CYP2C19: variants seen among roughly 807,000 people sequenced by gnomAD.
The protein encoded by CYP2C19 is cytochrome P450 family 2 subfamily C member 19.
A neutral mutation model predicts 40.9 loss-of-function variants in CYP2C19; 59 were observed. That is an observed-to-expected ratio of 1.44 (90% CI 1.17 to 1.79). The LOEUF is 1.79. CYP2C19 is among the 40% of genes most tolerant of loss of function. CYP2C19 has a pLI of 0.00. For synonymous variants in CYP2C19, 253 were observed against 208.7 expected, an observed-to-expected ratio of 1.21 and a Z score of -1.83; for missense variants, 754 against 596.9, an observed-to-expected ratio of 1.26 and a Z score of -2.74.
intron 5 of CYP2C19, among the ~76,000 whole-genome samples, chr10:94,793,017 A>C (rs1236102896): frequency 3.3e-5 from 5 of 152,056 alleles, no homozygotes; most frequent in African/African-American, 9.7e-5. Context: ...TGGTCTTTTC[A>C]CATAGTCAAA....
intron 6 of CYP2C19, among the ~76,000 whole-genome samples, chr10:94,823,893 G>A (rs1849169131): frequency 2.6e-5 from 4 of 152,156 alleles, no homozygotes; most frequent in African/African-American, 9.6e-5. Flanking sequence ...AGAGTGTCAG[G>A]GAGGCTGCCT....
intron 5 of CYP2C19, among the ~76,000 whole-genome samples, chr10:94,792,456 C>G (rs1373537192): frequency 6.6e-6 from 1 of 152,150 alleles, no homozygotes; most frequent in African/African-American, 2.4e-5. Flanking sequence ...CAATGATGGT[C>G]TTTACAATTT....
intron 1 of CYP2C19, among the ~76,000 whole-genome samples, chr10:94,764,601 A>AG (rs1415576880): frequency 1.3e-5 from 2 of 151,862 alleles, no homozygotes; most frequent in Non-Finnish European, 2.9e-5. Flanking sequence ...CCTGCTGGAG[A>AG]GGGGTGAAGA....
intron 5 of CYP2C19, among the ~76,000 whole-genome samples, chr10:94,809,512 C>A (rs1237771041): frequency 2.0e-5 from 3 of 152,038 alleles, no homozygotes; most frequent in Admixed American, 6.6e-5. Context: ...TGCAAACAGA[C>A]AAAATTTGAT....
intron 7 of CYP2C19, 92 bp downstream of exon 7, chr10:94,843,116 G>A: frequency 6.8e-7 from 1 of 1,468,726 alleles, no homozygotes. Context: ...CTGGGTGAGA[G>A]AAGTGCATTA....
intron 6 of CYP2C19, among the ~76,000 whole-genome samples, chr10:94,842,399 T>G (rs1332435653): frequency 3.3e-5 from 5 of 150,810 alleles, no homozygotes; most frequent in Non-Finnish European, 7.4e-5. Context: ...TGAAGTTTTT[T>G]TTTTTTTTTT....
At chr10:94,831,176 A>G (rs1212843519) in intron 6 of CYP2C19, among the ~76,000 whole-genome samples, 3 of 152,116 alleles carry the variant, frequency 2.0e-5, no homozygotes, top group Non-Finnish European at 2.9e-5. Context: ...ATGCTCTCCA[A>G]TTTCATTCAT....
chr10:94,815,551 T>C (rs1455242197), intron 5 of CYP2C19, among the ~76,000 whole-genome samples: 1 of 152,244 alleles, frequency 6.6e-6, no homozygotes, highest in Non-Finnish European at 1.5e-5. Context: ...TTTTGAGAAC[T>C]CCAGTCTCTG....
intron 1 of CYP2C19, among the ~76,000 whole-genome samples, chr10:94,763,182 A>C (rs1848196204): frequency 6.6e-6 from 1 of 152,176 alleles, no homozygotes; most frequent in African/African-American, 2.4e-5. Flanking sequence ...GAGGGTAAAC[A>C]GTAAGGGAAG....
intron 1 of CYP2C19, among the ~76,000 whole-genome samples, chr10:94,766,629 A>C (rs1185547822): frequency 6.6e-6 from 1 of 152,080 alleles, no homozygotes; most frequent in Non-Finnish European, 1.5e-5. Flanking sequence ...TTTTTTAAGG[A>C]GGAAGGGGTT....
At chr10:94,791,330 A>G (rs1007156765) in intron 5 of CYP2C19, among the ~76,000 whole-genome samples, 1 of 152,010 alleles carries the variant, frequency 6.6e-6, no homozygotes, top group Non-Finnish European at 1.5e-5. Flanking sequence ...TCCTGGATTC[A>G]TTAACTTTTT....
chr10:94,816,630 A>G (rs1849007244), intron 5 of CYP2C19, among the ~76,000 whole-genome samples: 1 of 151,136 alleles, frequency 6.6e-6, no homozygotes, highest in African/African-American at 2.4e-5. Flanking sequence ...CACATTGTGC[A>G]GGTTAGTTAC....
At chr10:94,828,992 C>A (rs982835369) in intron 6 of CYP2C19, among the ~76,000 whole-genome samples, 7 of 152,100 alleles carry the variant, frequency 4.6e-5, no homozygotes, top group East Asian at 1.9e-4. Flanking sequence ...AATATTGGCC[C>A]CCACTCTCTT....
chr10:94,797,706 G>A (rs188368393), intron 5 of CYP2C19, among the ~76,000 whole-genome samples: 14 of 151,978 alleles, frequency 9.2e-5, no homozygotes, highest in African/African-American at 3.4e-4. Context: ...AATTCTTCCT[G>A]GTTTAGTCTT....
intron 6 of CYP2C19, among the ~76,000 whole-genome samples, chr10:94,822,005 A>G (rs377246272): frequency 1.1e-4 from 16 of 152,126 alleles, no homozygotes; most frequent in African/African-American, 2.2e-4. Context: ...TGTGTATTCA[A>G]TGTTTACTTC....
intron 6 of CYP2C19, among the ~76,000 whole-genome samples, chr10:94,830,715 A>T (rs1384153422): frequency 6.6e-6 from 1 of 152,192 alleles, no homozygotes; most frequent in African/African-American, 2.4e-5. Context: ...TTACTTATAT[A>T]TACTAACGTA....
In CYP2C19 at chr10:94,853,139, T is replaced by C. The variant is rs1013484138; in HGVS notation, c.*225T>C. ...TACATTGAGTGCCACATAATGCTGA[T>C]ACTTGTCTAATGTTGAGTTATTAAC... On this transcript the variant is annotated 3_prime_UTR_variant, in exon 9 of 9. Transcript: ENST00000371321. 1 of 551,286 alleles carries C rather than the reference T, an allele frequency of 1.8e-6. No individual in the cohort carries two copies. Among genetic ancestry groups the C allele is most frequent in the South Asian group, 2.4e-5 (1 of 41,312 alleles). The allele number at this position is 551,286 out of a possible 1,614,324, so 34.1% of individuals were successfully genotyped here. A position where few individuals can be genotyped will look rare whatever the true frequency, so the allele number is the denominator to read the frequency against.
intron 5 of CYP2C19, among the ~76,000 whole-genome samples, chr10:94,789,755 T>C (rs1235203316): frequency 1.3e-5 from 2 of 152,180 alleles, no homozygotes; most frequent in African/African-American, 4.8e-5. Context: ...GGCCTTGTAA[T>C]ATAGTTTGAA....
At chr10:94,814,233 A>T (rs958557351) in intron 5 of CYP2C19, among the ~76,000 whole-genome samples, 1 of 151,882 alleles carries the variant, frequency 6.6e-6, no homozygotes, top group Non-Finnish European at 1.5e-5. Flanking sequence ...TTATTCAGTC[A>T]TCTTGCCAGC....
Sources: gnomAD v4.1 joint callset for allele counts (sites outside exome capture counted in the v4.1 genomes callset) on GRCh38, gnomAD v4.1.1 for gene constraint, MANE v1.5 for transcripts, NCBI Gene and HGNC (gene_info 2026-07-23, HGNC 2026-07-21) for gene names.